The following SLC16A7 variants were observed in gnomAD, a reference collection of about 807,000 sequenced individuals.
SLC16A7 encodes the protein monocarboxylate transporter 2.
Under a neutral mutation model 34.9 loss-of-function variants are expected in SLC16A7, and 33 were observed. That is an observed-to-expected ratio of 0.94 (90% CI 0.72 to 1.26). The LOEUF (loss-of-function observed/expected upper bound fraction) is 1.26. Ranked by LOEUF, SLC16A7 falls within the 50% of genes most tolerant of loss-of-function variation. The probability of loss-of-function intolerance (pLI) is 0.00; values close to 1 mark genes in which losing one functional copy is unlikely to be tolerated. For missense variants in SLC16A7, 573 were observed against 578.1 expected (o/e 0.99, Z 0.09); for synonymous variants, 201 against 206.6 (o/e 0.97, Z 0.23).
intron 2 of SLC16A7, among the ~76,000 whole-genome samples, chr12:59,661,344 G>C (rs1199103962): frequency 6.6e-6 from 1 of 152,100 alleles, no homozygotes; most frequent in African/African-American, 2.4e-5. Context: ...AATTTACAAG[G>C]ATTGGCAACT....
At chr12:59,699,216 G>A (rs1027601949) in intron 2 of SLC16A7, among the ~76,000 whole-genome samples, 4 of 151,444 alleles carry the variant, frequency 2.6e-5, no homozygotes, top group Admixed American at 2.6e-4. Context: ...GGTAATTACT[G>A]AAGTATAAAT....
At chr12:59,723,815 CAA>C (rs758005646) in intron 3 of SLC16A7, among the ~76,000 whole-genome samples, 5 of 151,906 alleles carry the variant, frequency 3.3e-5, no homozygotes, top group Non-Finnish European at 5.9e-5. Flanking sequence ...AATTCTAAAA[CAA>C]TACGTATTTG....
chr12:59,765,923 C>T (rs1486918014), intron 3 of SLC16A7, among the ~76,000 whole-genome samples: 1 of 151,414 alleles, frequency 6.6e-6, no homozygotes. Context: ...TTACCTTGGG[C>T]AGTATGGCCA....
intron 3 of SLC16A7, among the ~76,000 whole-genome samples, chr12:59,710,297 A>G (rs1024418958): frequency 6.6e-6 from 1 of 152,204 alleles, no homozygotes; most frequent in African/African-American, 2.4e-5. Flanking sequence ...AATGAAAAAG[A>G]AGTTGTGAGT....
chr12:59,602,014 A>G lies in SLC16A7; in HGVS notation c.-130+5778A>G, dbSNP rs553655782. ...TTTCCCTTAGTCATTGTAACAATCAAAAATGCCTCTCTACATTTTAATATA... is the reference window on the plus strand; with the variant it reads ...TTTCCCTTAGTCATTGTAACAATCAGAAATGCCTCTCTACATTTTAATATA... On this transcript the variant is annotated intron_variant, in intron 1 of 5. Transcript: ENST00000547379. 3.3e-5 allele frequency among the ~76,000 whole-genome samples: 5 copies of G among 152,322 alleles called. No individual in the cohort carries two copies. The East Asian group carries it at 5.8e-4, about 18-fold the overall frequency.
chr12:59,779,101 G>C (rs529816714), intron 5 of SLC16A7, among the ~76,000 whole-genome samples: 1 of 152,060 alleles, frequency 6.6e-6, no homozygotes, highest in South Asian at 2.1e-4. Flanking sequence ...ATATTCACAT[G>C]TATAGATATA....
At chr12:59,692,777 G>A (rs189106520) in intron 2 of SLC16A7, among the ~76,000 whole-genome samples, 2 of 152,090 alleles carry the variant, frequency 1.3e-5, no homozygotes, top group Non-Finnish European at 2.9e-5. Flanking sequence ...TGTGGTCTAT[G>A]AGCTATTGAT....
At chr12:59,645,334 C>T (rs1880860941) in intron 1 of SLC16A7, among the ~76,000 whole-genome samples, 1 of 152,154 alleles carries the variant, frequency 6.6e-6, no homozygotes, top group South Asian at 2.1e-4. Flanking sequence ...TGTCCCCACC[C>T]AAATCTCATC....
intron 2 of SLC16A7, among the ~76,000 whole-genome samples, chr12:59,667,797 C>T (rs568196256): frequency 6.6e-6 from 1 of 152,310 alleles, no homozygotes; most frequent in East Asian, 1.9e-4. Flanking sequence ...CAGCCCCTCC[C>T]ATCACAGGCC....
rs1008291549 is a variant in SLC16A7 at position 59,784,924 on chromosome 12, A to G, written c.*5245A>G. ...ATTATGTATTATTCTGTCTCCATCAATGCAGTGACATCACTGATACATCAT... is the reference window on the plus strand; with the variant it reads ...ATTATGTATTATTCTGTCTCCATCAGTGCAGTGACATCACTGATACATCAT... On this transcript the variant is annotated 3_prime_UTR_variant, in exon 6 of 6. Coordinates refer to ENST00000547379, the MANE Select transcript of SLC16A7 (RefSeq NM_001270623.2). The G allele has an allele frequency of 2.6e-5, 4 of 152,196 alleles. No individual in the cohort carries two copies. The highest frequency in any genetic ancestry group is 4.8e-5 in the African/African-American group (2 of 41,454). 9.4% of individuals were successfully genotyped at this position (152,196 alleles called of 1,614,324 possible). A position where few individuals can be genotyped will look rare whatever the true frequency, so the allele number is the denominator to read the frequency against.
chr12:59,623,840 C>T (rs1879806060), intron 1 of SLC16A7, among the ~76,000 whole-genome samples: 1 of 151,398 alleles, frequency 6.6e-6, no homozygotes, highest in African/African-American at 2.4e-5. Context: ...TATGATGTTA[C>T]AGATTTTGGT....
rs1051935323 is a variant in SLC16A7, at chr12:59,709,950, C to A, written c.217+4932C>A. Among the ~76,000 whole-genome samples, 4 of 151,590 alleles carry A rather than the reference C, an allele frequency of 2.6e-5. 1 individual carries two copies. The highest frequency in any genetic ancestry group is 9.8e-5 in the African/African-American group (4 of 40,898). ...TCCTGGACAAGGTGGTTTGATCTGG[C>A]ATGCATCTTCCCTTTCTCTACAGTT... On this transcript the variant is annotated intron_variant, in intron 3 of 5. Transcript: ENST00000547379.
intron 3 of SLC16A7, among the ~76,000 whole-genome samples, chr12:59,750,603 C>A (rs150868195): frequency 0.12 from 18,629 of 152,174 alleles, 1,478 homozygotes; most frequent in African/African-American, 0.22. Context: ...CACTTTTACA[C>A]TGTTGGTGGA....
chr12:59,674,635 C>T (rs373993183), intron 2 of SLC16A7, among the ~76,000 whole-genome samples: 5 of 152,188 alleles, frequency 3.3e-5, no homozygotes, highest in South Asian at 4.1e-4. Context: ...TTCTCTACAG[C>T]GTTATCAGCT....
At chr12:59,670,828 G>A (rs1869618088) in intron 2 of SLC16A7, among the ~76,000 whole-genome samples, 1 of 152,166 alleles carries the variant, frequency 6.6e-6, no homozygotes, top group Non-Finnish European at 1.5e-5. Flanking sequence ...CATCGTGGTG[G>A]TCCAGACAGT....
At chr12:59,642,441 T>C (rs1460391645) in intron 1 of SLC16A7, among the ~76,000 whole-genome samples, 1 of 152,098 alleles carries the variant, frequency 6.6e-6, no homozygotes, top group East Asian at 1.9e-4. Context: ...CATTTGCATC[T>C]CCTACTAGAT....
At chr12:59,776,313 G>A (rs910240196) in intron 5 of SLC16A7, among the ~76,000 whole-genome samples, 1 of 152,170 alleles carries the variant, frequency 6.6e-6, no homozygotes, top group Non-Finnish European at 1.5e-5. Context: ...CTGAATTACA[G>A]TGGTGAATGC....
chr12:59,733,825 A>G (rs1265899259), intron 3 of SLC16A7: 1 of 455,806 alleles, frequency 2.2e-6, no homozygotes, highest in African/African-American at 2.0e-5. Flanking sequence ...CTCTTAGGAG[A>G]GCCACGGTGG....
At chr12:59,623,046 CTGTGTGTGTGTGTGTGTGTGTGTG>C (rs57399813) in intron 1 of SLC16A7, among the ~76,000 whole-genome samples, 1 of 134,906 alleles carries the variant, frequency 7.4e-6, no homozygotes. Flanking sequence ...CTACTGAATG[CTGTGTGTGTGTGTGTGTGTGTGTG>C]TGTGTGTGTG....
Sources: allele counts gnomAD v4.1 joint callset (sites outside exome capture counted in the v4.1 genomes callset), GRCh38; gene constraint gnomAD v4.1.1; transcripts MANE v1.5; gene names NCBI Gene and HGNC (gene_info 2026-07-23, HGNC 2026-07-21).